CEBPZ: variants seen among roughly 807,000 people sequenced by gnomAD.
The protein encoded by CEBPZ is CCAAT enhancer binding protein zeta.
In CEBPZ, 78 loss-of-function variants were observed where a neutral mutation model predicts 104.5. The observed-to-expected ratio is 0.75, with a 90% CI of 0.62 to 0.90. The LOEUF (loss-of-function observed/expected upper bound fraction) is 0.90. Among genes scored for constraint, CEBPZ ranks in the 40% least tolerant of loss-of-function variants. CEBPZ has a pLI of 0.00. For synonymous variants in CEBPZ, 470 were observed against 427.0 expected, an observed-to-expected ratio of 1.10 and a Z score of -1.24; for missense variants, 1,439 against 1,233.5, an observed-to-expected ratio of 1.17 and a Z score of -2.50.
rs778510921 is a variant in CEBPZ at position 37,211,839 on chromosome 2, T to C, written c.2800+4A>G. 6.1e-5 allele frequency: 96 copies of C among 1,577,518 alleles called. 2 individuals are homozygous for C. The highest frequency in any genetic ancestry group is 1.4e-5 in the Non-Finnish European group (16 of 1,165,866). On this transcript the variant is annotated splice_donor_region_variant and intron_variant, in intron 12 of 15. Coordinates refer to ENST00000234170, the MANE Select transcript of CEBPZ (RefSeq NM_005760.3). ...GTTTATGTCTTATTTTAAAAAATGCTTACCTGGAACGCTCTCACTTTCATC... is the reference window on the plus strand; with the variant it reads ...GTTTATGTCTTATTTTAAAAAATGCCTACCTGGAACGCTCTCACTTTCATC...
rs1299896072 is a variant in CEBPZ at position 37,201,695 on chromosome 2, C to A, written c.*69G>T. On this transcript the variant is annotated 3_prime_UTR_variant, in exon 16 of 16. Transcript: ENST00000234170. The stretch of plus-strand genomic sequence containing the variant: ...AATGTATGGAATCAGAGAGCTAGAT[C>A]AAAAAACATGGTTGAACAGCAAAAA... The A allele has an allele frequency of 5.2e-6, 5 of 967,058 alleles. No individual in the cohort carries two copies. The highest frequency in any genetic ancestry group is 4.0e-5 in the Admixed American group (2 of 50,174). 59.9% of individuals were successfully genotyped at this position (967,058 alleles called of 1,614,324 possible).
intron 1 of CEBPZ, among the ~76,000 whole-genome samples, chr2:37,230,384 C>G (rs549613134): frequency 2.6e-5 from 4 of 152,094 alleles, no homozygotes; most frequent in African/African-American, 4.8e-5. Context: ...CCTATCAGGG[C>G]AATGGTTATG....
Position 37,213,965 on chromosome 2 carries a change from T to A in CEBPZ, c.2448-4A>T. The A allele has an allele frequency of 6.9e-7, 1 of 1,453,982 alleles. No homozygotes were observed. The highest frequency in any genetic ancestry group is 9.3e-7 in the Non-Finnish European group (1 of 1,072,384). 90.1% of individuals were successfully genotyped at this position (1,453,982 alleles called of 1,614,324 possible). A position where few individuals can be genotyped will look rare whatever the true frequency, so the allele number is the denominator to read the frequency against. On this transcript the variant is annotated splice_region_variant and splice_polypyrimidine_tract_variant and intron_variant, in intron 9 of 15. Coordinates refer to ENST00000234170, the MANE Select transcript of CEBPZ (RefSeq NM_005760.3). Reference sequence around the variant, plus strand: ...AACAGCAACTTTTTTATAATACCTATAATATTCATGTTATATATTTGACAA... The same window carrying A: ...AACAGCAACTTTTTTATAATACCTAAAATATTCATGTTATATATTTGACAA...
At chr2:37,202,225 T>C (rs1677283938) in intron 15 of CEBPZ, 1 of 198,730 alleles carries the variant, frequency 5.0e-6, no homozygotes, top group Non-Finnish European at 1.0e-5. Context: ...AAAGTAATTT[T>C]TGTAGTCTGC....
At chr2:37,205,879 CAGAA>C (rs1339163001) in intron 13 of CEBPZ, among the ~76,000 whole-genome samples, 3 of 151,788 alleles carry the variant, frequency 2.0e-5, no homozygotes, top group Non-Finnish European at 4.4e-5. Context: ...AAACAATTAG[CAGAA>C]AGAAGAGTTC....
intron 2 of CEBPZ, among the ~76,000 whole-genome samples, chr2:37,225,039 A>AAAAC (rs66609313): frequency 0.019 from 2,824 of 151,282 alleles, 37 homozygotes; most frequent in South Asian, 0.042. Flanking sequence ...ACCCCCCTTC[A>AAAAC]AAACAAACAA....
chr2:37,231,337 C>A (rs1271501853), intron 1 of CEBPZ, 75 bp downstream of exon 1: 32 of 1,570,676 alleles, frequency 2.0e-5, no homozygotes, highest in Non-Finnish European at 2.6e-5. Flanking sequence ...AGCGCGGAAG[C>A]GGCGGGGCAG....
chr2:37,219,761 T>C (rs1664722980), intron 5 of CEBPZ, among the ~76,000 whole-genome samples: 1 of 152,232 alleles, frequency 6.6e-6, no homozygotes, highest in African/African-American at 2.4e-5. Context: ...CAAAAAATTT[T>C]ATCATAAAAC....
At position 37,216,408 on chromosome 2, in the gene CEBPZ, A is replaced by T; in HGVS notation, c.2219T>A (p.Ile740Asn). 1 of 1,609,602 alleles carries T rather than the reference A, an allele frequency of 6.2e-7. No individual in the cohort carries two copies. The highest frequency in any genetic ancestry group is 8.5e-7 in the Non-Finnish European group (1 of 1,177,886). ...CTGCAGTGGGTCCCCTGAATACTGA[A>T]TATAGTTTCCCTGAAAAGTGGAGCG... The part of the protein sequence containing the change: ...FAKTILQGNY[I>N]QYSGDPLQDF... Residue 740 changes from isoleucine to asparagine, a missense_variant, in exon 7 of 16, where the codon ATT becomes AAT. Coordinates refer to ENST00000234170, the MANE Select transcript of CEBPZ (RefSeq NM_005760.3).
At chr2:37,225,617 GCCGCAGGGA>G (rs1212677925) in intron 2 of CEBPZ, among the ~76,000 whole-genome samples, 7 of 80,588 alleles carry the variant, frequency 8.7e-5, no homozygotes, top group Non-Finnish European at 1.7e-4. Flanking sequence ...ACTGCGGAAG[GCCGCAGGGA>G]CCTCTGCCTA....
chr2:37,203,093 A>C, intron 13 of CEBPZ, 85 bp from the exon 14 acceptor site: 2 of 913,758 alleles, frequency 2.2e-6, no homozygotes, highest in Non-Finnish European at 3.2e-6. Flanking sequence ...TTATTTTAAA[A>C]ATTATACTTG....
rs772103937 is a variant in CEBPZ at position 37,211,883 on chromosome 2, T to A, written c.2760A>T (p.Thr920=). 1 of 1,610,398 alleles carries A rather than the reference T, an allele frequency of 6.2e-7. No individual in the cohort carries two copies. The highest frequency in any genetic ancestry group is 2.2e-5 in the East Asian group (1 of 44,842). ...EFAEVDEDGG[T]FMDVLDDESE... Reference sequence around the variant, plus strand: ...TTTCATCATCTAACACATCCATGAATGTTCCTCCATCTTCATCAACTTCAG... The same window carrying A: ...TTTCATCATCTAACACATCCATGAAAGTTCCTCCATCTTCATCAACTTCAG... Residue 920 remains threonine, a synonymous_variant, in exon 12 of 16, where the codon ACA becomes ACT. Transcript: ENST00000234170.
chr2:37,224,100 G>A (rs1169771025), intron 2 of CEBPZ, among the ~76,000 whole-genome samples: 4 of 152,176 alleles, frequency 2.6e-5, no homozygotes, highest in African/African-American at 9.7e-5. Flanking sequence ...AAGGTCCAAT[G>A]AAATAGGGAT....
At position 37,228,260 on chromosome 2, in the gene CEBPZ, A is replaced by T. The variant is rs772928141; in HGVS notation, c.933T>A (p.Pro311=). The change falls in exon 2 of 16, where the codon CCT becomes CCA. Residue 311 remains proline, a synonymous_variant. Coordinates refer to ENST00000234170, the MANE Select transcript of CEBPZ (RefSeq NM_005760.3). ...NRKLRIFSQR[P]FDKLEQLSSG... is the part of the protein sequence containing the mutation. The stretch of plus-strand genomic sequence containing the variant: ...TGGACAACTGTTCCAGTTTGTCAAA[A>T]GGACGCTGGCTGAAAATCCTCAGCT... 11 of 1,614,202 alleles carry T rather than the reference A, an allele frequency of 6.8e-6. No homozygotes were observed. Among genetic ancestry groups the T allele is most frequent in the Non-Finnish European group, 9.3e-6 (11 of 1,180,032 alleles).
chr2:37,203,138 T>C, intron 13 of CEBPZ, 130 bp from the exon 14 acceptor site: 1 of 556,188 alleles, frequency 1.8e-6, no homozygotes, highest in Non-Finnish European at 3.1e-6. Flanking sequence ...CTGGCACCAT[T>C]GGGTAGCTGG....
At chr2:37,217,058 A>G (rs778792391) in intron 5 of CEBPZ, 21 bp from the exon 6 acceptor site, 1 of 1,594,762 alleles carries the variant, frequency 6.3e-7, no homozygotes, top group East Asian at 2.2e-5. Context: ...AAATGTGAAT[A>G]ATATCAATAT....
intron 13 of CEBPZ, chr2:37,209,037 C>A (rs1488843848): frequency 3.6e-5 from 3 of 83,012 alleles, no homozygotes; most frequent in Non-Finnish European, 6.6e-5. Flanking sequence ...ACCCCCCTTA[C>A]AACACCTGCC....
At chr2:37,218,686 C>A (rs1229504075) in intron 5 of CEBPZ, among the ~76,000 whole-genome samples, 2 of 152,048 alleles carry the variant, frequency 1.3e-5, no homozygotes, top group African/African-American at 4.8e-5. Context: ...GGTGGATCAC[C>A]TGAAGTCAGG....
At chr2:37,216,022 GATA>G in intron 8 of CEBPZ, 115 bp downstream of exon 8, 2 of 688,314 alleles carry the variant, frequency 2.9e-6, no homozygotes, top group Non-Finnish European at 4.6e-6. Flanking sequence ...AAAAAAGATG[GATA>G]ATGTCTTTGA....
Sources: gnomAD v4.1 joint callset for allele counts (sites outside exome capture counted in the v4.1 genomes callset) on GRCh38, gnomAD v4.1.1 for gene constraint, MANE v1.5 for transcripts, NCBI Gene and HGNC (gene_info 2026-07-23, HGNC 2026-07-21) for gene names.